The following KAZN variants were observed in gnomAD, a reference collection of about 807,000 sequenced individuals.
KAZN encodes kazrin, periplakin interacting protein.
A neutral mutation model predicts 87.4 loss-of-function variants in KAZN; 40 were observed. The ratio of observed to expected loss-of-function variants is 0.46; its 90% confidence interval spans 0.36 to 0.60. The LOEUF is 0.60. Ranked by LOEUF, KAZN falls within the 20% of genes least tolerant of loss-of-function variation. The pLI is 0.00. For synonymous variants in KAZN, 466 were observed against 458.3 expected, an observed-to-expected ratio of 1.02 and a Z score of -0.22; for missense variants, 898 against 1,073.9, an observed-to-expected ratio of 0.84 and a Z score of 2.29.
chr1:14,001,221 A>T (rs1639778836), intron 1 of KAZN, among the ~76,000 whole-genome samples: 2 of 152,220 alleles, frequency 1.3e-5, no homozygotes, highest in African/African-American at 4.8e-5. Flanking sequence ...AGACAAGCAG[A>T]AAGTCAACTC....
At chr1:15,050,666 T>C (rs1191184750) in intron 4 of KAZN, among the ~76,000 whole-genome samples, 1 of 152,142 alleles carries the variant, frequency 6.6e-6, no homozygotes, top group Non-Finnish European at 1.5e-5. Flanking sequence ...TCTTGGACCA[T>C]TTGGACCAGC....
chr1:14,205,952 C>A (rs562170650), intron 2 of KAZN, among the ~76,000 whole-genome samples: 1 of 140,452 alleles, frequency 7.1e-6, no homozygotes, highest in Non-Finnish European at 1.5e-5. Context: ...AACACACCAA[C>A]GTGGCGCATG....
At chr1:14,288,675 A>G (rs141081925) in intron 2 of KAZN, among the ~76,000 whole-genome samples, 5 of 152,148 alleles carry the variant, frequency 3.3e-5, no homozygotes, top group South Asian at 2.1e-4. Flanking sequence ...GTGTCTCTCT[A>G]TCTCCTTCAG....
intron 2 of KAZN, among the ~76,000 whole-genome samples, chr1:14,198,943 G>T (rs1011414915): frequency 2.6e-5 from 4 of 152,110 alleles, no homozygotes; most frequent in Non-Finnish European, 4.4e-5. Flanking sequence ...CAGAGCCCAG[G>T]CTTTAATCAA....
At chr1:15,069,803 A>G (rs562719774) in intron 8 of KAZN, among the ~76,000 whole-genome samples, 1 of 152,238 alleles carries the variant, frequency 6.6e-6, no homozygotes, top group South Asian at 2.1e-4. Context: ...CTACCACGTG[A>G]ATGGTGTCCT....
intron 2 of KAZN, among the ~76,000 whole-genome samples, chr1:14,550,739 C>CTCTCCCT (rs1480745409): frequency 1.4e-5 from 1 of 69,968 alleles, no homozygotes; most frequent in Non-Finnish European, 3.3e-5. Flanking sequence ...CTCTCTCTCT[C>CTCTCCCT]CCCCACCCCG....
At chr1:14,851,675 T>C (rs917531397) in intron 1 of KAZN, among the ~76,000 whole-genome samples, 2 of 152,164 alleles carry the variant, frequency 1.3e-5, no homozygotes, top group Admixed American at 1.3e-4. Flanking sequence ...TGACTTATCC[T>C]CTCTGGGCCT....
At chr1:13,962,675 A>G (rs1641798346) in intron 1 of KAZN, among the ~76,000 whole-genome samples, 1 of 152,158 alleles carries the variant, frequency 6.6e-6, no homozygotes, top group South Asian at 2.1e-4. Flanking sequence ...CTCCTGCCTC[A>G]GCCTCCCATG....
chr1:14,121,662 A>G (rs1644754052), intron 1 of KAZN, among the ~76,000 whole-genome samples: 1 of 152,224 alleles, frequency 6.6e-6, no homozygotes, highest in Non-Finnish European at 1.5e-5. Context: ...GTGAGCACTT[A>G]AATGCTTATG....
intron 1 of KAZN, among the ~76,000 whole-genome samples, chr1:14,618,774 A>T (rs1678456934): frequency 6.6e-6 from 1 of 152,228 alleles, no homozygotes; most frequent in Non-Finnish European, 1.5e-5. Flanking sequence ...ATGACAATAC[A>T]CTGTGACAAG....
chr1:14,170,522 T>G (rs530916720), intron 1 of KAZN, among the ~76,000 whole-genome samples: 1 of 152,118 alleles, frequency 6.6e-6, no homozygotes, highest in South Asian at 2.1e-4. Flanking sequence ...TTAAAAAAAA[T>G]TGCGGTAAAA....
intron 1 of KAZN, among the ~76,000 whole-genome samples, chr1:14,164,790 C>T (rs563912520): frequency 5.3e-5 from 8 of 152,122 alleles, no homozygotes; most frequent in South Asian, 2.1e-4. Context: ...CCGCCTGCCT[C>T]GGCCTCCCAA....
intron 1 of KAZN, among the ~76,000 whole-genome samples, chr1:14,899,174 G>C (rs1315863161): frequency 6.6e-6 from 1 of 152,180 alleles, no homozygotes; most frequent in African/African-American, 2.4e-5. Flanking sequence ...CCTGTACCAA[G>C]GTCAGGAAGA....
At chr1:14,896,647 A>C (rs2101213051) in intron 1 of KAZN, among the ~76,000 whole-genome samples, 1 of 152,262 alleles carries the variant, frequency 6.6e-6, no homozygotes, top group East Asian at 1.9e-4. Context: ...GCAGCCTCAA[A>C]ACTCCCAGCA....
chr1:14,878,671 G>A (rs1000603767), intron 1 of KAZN, among the ~76,000 whole-genome samples: 1 of 152,120 alleles, frequency 6.6e-6, no homozygotes, highest in South Asian at 2.1e-4. Context: ...AGGACATTCG[G>A]CCCTCAGCTG....
chr1:14,310,867 A>G (rs151126331), intron 2 of KAZN, among the ~76,000 whole-genome samples: 46 of 152,306 alleles, frequency 3.0e-4, no homozygotes, highest in Non-Finnish European at 5.4e-4. Context: ...GAGATACCCA[A>G]TCTTGGCAGT....
At chr1:13,948,808 T>C (rs1018969303) in intron 1 of KAZN, among the ~76,000 whole-genome samples, 1 of 152,202 alleles carries the variant, frequency 6.6e-6, no homozygotes, top group Non-Finnish European at 1.5e-5. Context: ...GCTCCTGTTT[T>C]GCTGTTATTT....
rs1276540238 is a variant in KAZN at position 14,457,799 on chromosome 1, C to G, written c.250-141184C>G. On this transcript the variant is annotated intron_variant, in intron 2 of 16. Transcript: ENST00000636203. ...TTTCTTCATGGAAGTGTAGAATATTCTTTTTTGTTGTTGTTTTTTGTTTTG... is the reference window on the plus strand; with the variant it reads ...TTTCTTCATGGAAGTGTAGAATATTGTTTTTTGTTGTTGTTTTTTGTTTTG... 2.0e-5 allele frequency among the ~76,000 whole-genome samples: 3 copies of G among 148,908 alleles called. No individual in the cohort carries two copies. The East Asian group carries it at 5.8e-4, about 29-fold the overall frequency.
chr1:14,466,764 G>A (rs12057456), intron 2 of KAZN, among the ~76,000 whole-genome samples: 10 of 151,902 alleles, frequency 6.6e-5, no homozygotes, highest in Non-Finnish European at 1.0e-4. Flanking sequence ...GTCAGGAGAT[G>A]GAGACCATCC....
Sources: allele counts gnomAD v4.1 joint callset (sites outside exome capture counted in the v4.1 genomes callset), GRCh38; gene constraint gnomAD v4.1.1; transcripts MANE v1.5; gene names NCBI Gene and HGNC (gene_info 2026-07-23, HGNC 2026-07-21).